KIF16B: variants seen among roughly 807,000 people sequenced by gnomAD.
KIF16B encodes kinesin family member 16B.
Under a neutral mutation model 156.3 loss-of-function variants are expected in KIF16B, and 98 were observed. The observed-to-expected ratio is 0.63, with a 90% CI of 0.53 to 0.74. The LOEUF (loss-of-function observed/expected upper bound fraction) is 0.74. Ranked by LOEUF, KIF16B falls within the 30% of genes least tolerant of loss-of-function variation. KIF16B has a pLI of 0.00. For synonymous variants in KIF16B, 564 were observed against 583.7 expected (o/e 0.97, Z 0.49); for missense variants, 1,421 against 1,606.5 (o/e 0.88, Z 1.97).
rs192782554 is a variant in KIF16B at position 16,473,478 on chromosome 20, A to C, written c.1302+20813T>G. Among the ~76,000 whole-genome samples, 16 of 152,328 alleles carry C rather than the reference A, an allele frequency of 1.1e-4. No homozygotes were observed. In the East Asian group the frequency reaches 3.1e-3, roughly 29 times the overall value. On this transcript the variant is annotated intron_variant, in intron 12 of 25. Coordinates refer to ENST00000354981, the MANE Select transcript of KIF16B (RefSeq NM_024704.5). ...CTGGGGAGGATACATATTAAACATA[A>C]AATTGCAAGTTATTAAATGAATGTT...
intron 15 of KIF16B, among the ~76,000 whole-genome samples, chr20:16,426,554 C>CATT (rs2066357591): frequency 6.6e-6 from 1 of 152,068 alleles, no homozygotes; most frequent in Non-Finnish European, 1.5e-5. Flanking sequence ...TGTTAGTGTC[C>CATT]TAATGTAGAT....
chr20:16,538,592 T>C (rs559447162), intron 1 of KIF16B, among the ~76,000 whole-genome samples: 3 of 152,026 alleles, frequency 2.0e-5, no homozygotes, highest in East Asian at 1.9e-4. Context: ...TAGATCAATA[T>C]GGGGGGAGGA....
At chr20:16,414,916 T>C (rs547831762) in intron 15 of KIF16B, among the ~76,000 whole-genome samples, 2 of 152,140 alleles carry the variant, frequency 1.3e-5, no homozygotes, top group African/African-American at 2.4e-5. Context: ...TATTCAACAC[T>C]TGATTATAAA....
intron 11 of KIF16B, among the ~76,000 whole-genome samples, chr20:16,496,603 C>A (rs921918578): frequency 6.6e-6 from 1 of 152,118 alleles, no homozygotes. Context: ...TCTGTCACAG[C>A]ATGTATAATA....
At chr20:16,449,875 A>C (rs1157153131) in intron 12 of KIF16B, among the ~76,000 whole-genome samples, 2 of 152,220 alleles carry the variant, frequency 1.3e-5, no homozygotes, top group African/African-American at 4.8e-5. Flanking sequence ...ACATGGGTGC[A>C]CCAGGGCACA....
chr20:16,288,000 C>A (rs1261042909), intron 25 of KIF16B, among the ~76,000 whole-genome samples: 3 of 152,198 alleles, frequency 2.0e-5, no homozygotes, highest in Admixed American at 2.0e-4. Flanking sequence ...GTTCCCAGTA[C>A]TCACTATGGA....
At chr20:16,413,231 A>G (rs150493351) in intron 15 of KIF16B, among the ~76,000 whole-genome samples, 163 of 152,262 alleles carry the variant, frequency 1.1e-3, no homozygotes, top group African/African-American at 3.5e-3. Flanking sequence ...CTAAATACCC[A>G]AAGACAGACA....
At chr20:16,418,683 C>CT (rs1223906709) in intron 15 of KIF16B, among the ~76,000 whole-genome samples, 12 of 152,152 alleles carry the variant, frequency 7.9e-5, no homozygotes, top group Admixed American at 7.2e-4. Flanking sequence ...ACCAAAAACT[C>CT]TATCCTTGCA....
At chr20:16,293,657 A>G (rs1175670063) in intron 25 of KIF16B, among the ~76,000 whole-genome samples, 11 of 152,138 alleles carry the variant, frequency 7.2e-5, no homozygotes, top group Non-Finnish European at 1.5e-4. Flanking sequence ...TGTGGGGTGG[A>G]AGGGAGCTGC....
chr20:16,519,106 C>T (rs1334276707), intron 3 of KIF16B, among the ~76,000 whole-genome samples: 1 of 152,170 alleles, frequency 6.6e-6, no homozygotes, highest in African/African-American at 2.4e-5. Context: ...AAATTTAACA[C>T]ATTTGATTCC....
At chr20:16,565,749 C>T (rs1371064990) in intron 1 of KIF16B, among the ~76,000 whole-genome samples, 1 of 152,204 alleles carries the variant, frequency 6.6e-6, no homozygotes, top group East Asian at 1.9e-4. Context: ...CCCACCAGCA[C>T]CCCGAAACAA....
chr20:16,333,343 A>G lies in KIF16B; in HGVS notation c.3711+2583T>C, dbSNP rs978595883. 1.8e-3 allele frequency among the ~76,000 whole-genome samples: 270 copies of G among 152,264 alleles called. 4 individuals are homozygous for G. The highest frequency in any genetic ancestry group is 5.6e-4 in the Non-Finnish European group (38 of 68,008). On this transcript the variant is annotated intron_variant, in intron 24 of 25. Transcript: ENST00000354981. ...TAGTCCACTACCCAGCTCTCATGCC[A>G]CACTATCACAAGGCCTGGTTTTATT...
intron 15 of KIF16B, among the ~76,000 whole-genome samples, chr20:16,412,922 T>C (rs970385506): frequency 6.6e-6 from 1 of 152,014 alleles, no homozygotes; most frequent in African/African-American, 2.4e-5. Context: ...GAATGGCTGA[T>C]AATGTAGTTT....
chr20:16,327,862 T>C (rs1018994763), intron 24 of KIF16B, among the ~76,000 whole-genome samples: 2 of 152,156 alleles, frequency 1.3e-5, no homozygotes, highest in Admixed American at 6.6e-5. Flanking sequence ...TGCAACTGAA[T>C]TTATCTAAGG....
chr20:16,497,085 G>A (rs2068473039), intron 11 of KIF16B, among the ~76,000 whole-genome samples: 1 of 151,870 alleles, frequency 6.6e-6, no homozygotes, highest in Admixed American at 6.5e-5. Context: ...ACACACATTG[G>A]CTTTAGCCCA....
At chr20:16,465,336 G>A (rs1663669068) in intron 12 of KIF16B, among the ~76,000 whole-genome samples, 1 of 152,098 alleles carries the variant, frequency 6.6e-6, no homozygotes, top group Admixed American at 6.5e-5. Context: ...AAGACTCTTT[G>A]CTAATGCAGT....
At chr20:16,275,304 C>T (rs568963698) in intron 25 of KIF16B, among the ~76,000 whole-genome samples, 1 of 152,158 alleles carries the variant, frequency 6.6e-6, no homozygotes, top group Non-Finnish European at 1.5e-5. Flanking sequence ...GATCCACCCC[C>T]CTTGGCCTCC....
At chr20:16,352,941 C>A (rs1319036267) in intron 23 of KIF16B, among the ~76,000 whole-genome samples, 1 of 152,224 alleles carries the variant, frequency 6.6e-6, no homozygotes, top group Non-Finnish European at 1.5e-5. Flanking sequence ...GGGTGTCAGA[C>A]CCTGCCCTGC....
At chr20:16,436,425 C>T (rs1317855830) in intron 12 of KIF16B, among the ~76,000 whole-genome samples, 1 of 152,128 alleles carries the variant, frequency 6.6e-6, no homozygotes, top group Non-Finnish European at 1.5e-5. Context: ...GCAGGATGCC[C>T]TCGAGCTTCT....
Sources: gnomAD v4.1 joint callset for allele counts (sites outside exome capture counted in the v4.1 genomes callset) on GRCh38, gnomAD v4.1.1 for gene constraint, MANE v1.5 for transcripts, NCBI Gene and HGNC (gene_info 2026-07-23, HGNC 2026-07-21) for gene names.